Variants in FMN2 observed in about 807,000 individuals in gnomAD.
FMN2 encodes the protein formin-2.
A neutral mutation model predicts 142.3 loss-of-function variants in FMN2; 51 were observed. The ratio of observed to expected loss-of-function variants is 0.36; its 90% CI spans 0.29 to 0.45. The LOEUF is 0.45. Ranked by LOEUF, FMN2 falls within the 20% of genes least tolerant of loss-of-function variation. The pLI is 1.00. For synonymous variants in FMN2, 882 were observed against 869.8 expected (o/e 1.01, Z -0.25); for missense variants, 1,936 against 2,122.8 (o/e 0.91, Z 1.73).
chr1:240,236,277 T>C lies in FMN2; in HGVS notation c.4066-21668T>C, dbSNP rs368075396. Among the ~76,000 whole-genome samples the C allele has an allele frequency of 6.8e-4, 103 of 152,304 alleles. 1 individual carries two copies. Among genetic ancestry groups the C allele is most frequent in the Middle Eastern group, 3.4e-3 (1 of 294 alleles). On this transcript the variant is annotated intron_variant, in intron 6 of 17. Coordinates refer to ENST00000319653, the MANE Select transcript of FMN2 (RefSeq NM_020066.5). ...TTTCTCATCTCCCTAGCACCATCCATACTGTTCAGAATGGAAGCTTTTAGC... is the reference window on the plus strand; with the variant it reads ...TTTCTCATCTCCCTAGCACCATCCACACTGTTCAGAATGGAAGCTTTTAGC...
chr1:240,361,137 ATGTGTATATATATATATATATATATAT>A lies in FMN2; in HGVS notation c.4858+5230_4858+5256del, dbSNP rs1672455809. Among the ~76,000 whole-genome samples the A allele has an allele frequency of 9.2e-3, 1,114 of 121,192 alleles. 20 individuals are homozygous for A. Among genetic ancestry groups the A allele is most frequent in the African/African-American group, 0.023 (702 of 30,780 alleles). The allele number at this position is 121,192 out of a possible 152,430, so 79.5% of individuals were successfully genotyped here. On this transcript the variant is annotated intron_variant, in intron 14 of 17. Coordinates refer to ENST00000319653, the MANE Select transcript of FMN2 (RefSeq NM_020066.5). The stretch of plus-strand genomic sequence containing the variant: ...AAGTATAATAATAATAAATAAATAT[ATGTGTATATATATATATATATATATAT>A]ATATATATATATATATATATAAAAG...
intron 14 of FMN2, among the ~76,000 whole-genome samples, chr1:240,376,450 G>A (rs1022354527): frequency 2.0e-5 from 3 of 148,068 alleles, no homozygotes; most frequent in South Asian, 2.1e-4. Context: ...TAATATAATC[G>A]GCCCTTCATA....
chr1:240,402,167 A>G (rs1305716099), intron 15 of FMN2, among the ~76,000 whole-genome samples: 1 of 152,246 alleles, frequency 6.6e-6, no homozygotes, highest in African/African-American at 2.4e-5. Context: ...TAGCCCATTT[A>G]AAATGGATAA....
intron 15 of FMN2, among the ~76,000 whole-genome samples, chr1:240,425,266 G>T (rs1674900182): frequency 6.6e-6 from 1 of 151,090 alleles, no homozygotes; most frequent in Admixed American, 6.6e-5. Flanking sequence ...GAGCATTCCA[G>T]GCAGATGAAA....
intron 1 of FMN2, among the ~76,000 whole-genome samples, chr1:240,109,807 C>T (rs923495702): frequency 1.3e-5 from 2 of 152,148 alleles, no homozygotes; most frequent in Non-Finnish European, 2.9e-5. Flanking sequence ...CCAGCCTGTA[C>T]TCTGCATCTC....
intron 1 of FMN2, among the ~76,000 whole-genome samples, chr1:240,095,653 G>A (rs536520774): frequency 3.9e-5 from 6 of 152,180 alleles, no homozygotes; most frequent in East Asian, 1.9e-4. Flanking sequence ...GTGGCAAGGG[G>A]TGAGGGAAGA....
chr1:240,417,484 A>G (rs1674616173), intron 15 of FMN2, among the ~76,000 whole-genome samples: 1 of 151,896 alleles, frequency 6.6e-6, no homozygotes, highest in Admixed American at 6.6e-5. Context: ...TCAGATGGAA[A>G]ACCTGCATGA....
At chr1:240,122,657 C>T (rs570751673) in intron 1 of FMN2, among the ~76,000 whole-genome samples, 39 of 152,208 alleles carry the variant, frequency 2.6e-4, no homozygotes, top group African/African-American at 9.2e-4. Flanking sequence ...TGGTGTGTGC[C>T]AGTAGCTCTA....
intron 1 of FMN2, among the ~76,000 whole-genome samples, chr1:240,114,663 T>G (rs1045251072): frequency 6.7e-6 from 1 of 150,184 alleles, no homozygotes; most frequent in Non-Finnish European, 1.5e-5. Flanking sequence ...TTTCTTTTTT[T>G]TTTTTTTTTT....
chr1:240,226,770 C>T (rs1667316637), intron 6 of FMN2, among the ~76,000 whole-genome samples: 1 of 151,814 alleles, frequency 6.6e-6, no homozygotes, highest in Non-Finnish European at 1.5e-5. Context: ...ATCTCAATAG[C>T]TGTAGAATCC....
intron 4 of FMN2, among the ~76,000 whole-genome samples, chr1:240,201,537 A>G (rs917254491): frequency 5.9e-5 from 9 of 152,280 alleles, no homozygotes; most frequent in Middle Eastern, 3.4e-3. Flanking sequence ...AGGTTCTCAA[A>G]TACTACAAAA....
chr1:240,301,168 C>A (rs1287494663), intron 8 of FMN2, among the ~76,000 whole-genome samples: 6 of 118,310 alleles, frequency 5.1e-5, no homozygotes, highest in African/African-American at 2.1e-4. Context: ...ACTTTTATTT[C>A]TATTTTTTTT....
At chr1:240,338,480 C>T (rs910409330) in intron 13 of FMN2, among the ~76,000 whole-genome samples, 1 of 152,136 alleles carries the variant, frequency 6.6e-6, no homozygotes, top group Non-Finnish European at 1.5e-5. Context: ...GTTTCAGTTA[C>T]CCACAGTCAA....
intron 2 of FMN2, among the ~76,000 whole-genome samples, chr1:240,149,301 A>G (rs1193756148): frequency 6.6e-6 from 1 of 152,238 alleles, no homozygotes; most frequent in African/African-American, 2.4e-5. Context: ...ATTACTTTTC[A>G]CAGATTAATT....
Position 240,247,417 on chromosome 1 carries a change from G to A in FMN2, c.4066-10528G>A, listed in dbSNP as rs150901749. On this transcript the variant is annotated intron_variant, in intron 6 of 17. Transcript: ENST00000319653. ...CTCAGGAGGCTGAGGCAGGAGAATC[G>A]CTTGAACCTGGGAGGCGGAGATTGC... 4.9e-4 allele frequency among the ~76,000 whole-genome samples: 74 copies of A among 151,654 alleles called. 1 individual carries two copies. The East Asian group carries it at 6.8e-3, about 14-fold the overall frequency.
chr1:240,368,556 T>C (rs1172423366), intron 14 of FMN2, among the ~76,000 whole-genome samples: 1 of 140,092 alleles, frequency 7.1e-6, no homozygotes. Flanking sequence ...TGTTAAGCCC[T>C]CTTATTAATT....
chr1:240,186,321 A>G (rs1300932477), intron 3 of FMN2, among the ~76,000 whole-genome samples: 8 of 152,136 alleles, frequency 5.3e-5, no homozygotes, highest in Non-Finnish European at 1.0e-4. Context: ...TCACTCCTAC[A>G]ATTACTCAAC....
chr1:240,371,652 G>A (rs1473016101), intron 14 of FMN2, among the ~76,000 whole-genome samples: 1 of 152,110 alleles, frequency 6.6e-6, no homozygotes, highest in Non-Finnish European at 1.5e-5. Context: ...ATATTAAATT[G>A]CACCATTTAA....
At chr1:240,245,435 A>G in intron 6 of FMN2, 2 of 456,054 alleles carry the variant, frequency 4.4e-6, no homozygotes, top group South Asian at 1.6e-5. Context: ...CATCAGTGGA[A>G]CTTGATGTGT....
Sources: allele counts gnomAD v4.1 joint callset (sites outside exome capture counted in the v4.1 genomes callset), GRCh38; gene constraint gnomAD v4.1.1; transcripts MANE v1.5; gene names NCBI Gene and HGNC (gene_info 2026-07-23, HGNC 2026-07-21).